C6: variants seen among roughly 807,000 people sequenced by gnomAD.
C6 encodes the protein complement C6.
Under a neutral mutation model 112.9 loss-of-function variants are expected in C6, and 101 were observed. That is an observed-to-expected ratio of 0.89 (90% CI 0.76 to 1.06). The LOEUF (loss-of-function observed/expected upper bound fraction) is 1.06, where lower values mean the gene tolerates loss of function less well. C6 is among the 50% of genes least tolerant of loss of function. The probability of loss-of-function intolerance (pLI) is 0.00; values close to 1 mark genes in which losing one functional copy is unlikely to be tolerated. For synonymous variants in C6, 431 were observed against 384.1 expected (o/e 1.12, Z -1.43); for missense variants, 1,202 against 1,104.6 (o/e 1.09, Z -1.25).
At chr5:41,248,376 G>A (rs951279596) in intron 1 of C6, among the ~76,000 whole-genome samples, 7 of 152,182 alleles carry the variant, frequency 4.6e-5, no homozygotes, top group Admixed American at 3.3e-4. Flanking sequence ...TATCAACAGA[G>A]TAACCAGATA....
chr5:41,241,638 G>C (rs1257614721), intron 1 of C6, among the ~76,000 whole-genome samples: 1 of 152,124 alleles, frequency 6.6e-6, no homozygotes, highest in East Asian at 1.9e-4. Flanking sequence ...CCTACTTGTG[G>C]TTTCCACAAG....
intron 1 of C6, among the ~76,000 whole-genome samples, chr5:41,221,568 G>A (rs754573749): frequency 2.0e-5 from 3 of 152,160 alleles, no homozygotes; most frequent in Non-Finnish European, 4.4e-5. Context: ...TAGATTGCTA[G>A]AAATGGCCTA....
intron 13 of C6, among the ~76,000 whole-genome samples, chr5:41,157,400 T>C (rs1747018927): frequency 6.6e-6 from 1 of 152,210 alleles, no homozygotes. Flanking sequence ...AGGATAATGT[T>C]CTAGGGCAGG....
intron 13 of C6, among the ~76,000 whole-genome samples, chr5:41,156,939 TG>T: frequency 6.6e-6 from 1 of 152,298 alleles, no homozygotes; most frequent in African/African-American, 2.4e-5. Flanking sequence ...CAAAAAACCT[TG>T]CCAAAAGTCC....
At chr5:41,186,636 G>A (rs1481434152) in intron 5 of C6, among the ~76,000 whole-genome samples, 1 of 151,896 alleles carries the variant, frequency 6.6e-6, no homozygotes, top group Non-Finnish European at 1.5e-5. Context: ...TATTTTAATG[G>A]AATTGTAATA....
chr5:41,185,415 C>T (rs554964746), intron 6 of C6, among the ~76,000 whole-genome samples: 5 of 152,246 alleles, frequency 3.3e-5, no homozygotes, highest in East Asian at 3.9e-4. Flanking sequence ...TATGCATGAA[C>T]GTCACCATTA....
chr5:41,203,075 A>G lies in C6; in HGVS notation c.143+13T>C. 1 of 1,613,746 alleles carries G rather than the reference A, an allele frequency of 6.2e-7. No individual in the cohort carries two copies. Among genetic ancestry groups the G allele is most frequent in the Non-Finnish European group, 8.5e-7 (1 of 1,179,864 alleles). On this transcript the variant is annotated intron_variant, in intron 2 of 17. Coordinates refer to ENST00000337836, the MANE Select transcript of C6 (RefSeq NM_000065.5). Reference sequence around the variant, plus strand: ...TCCAGGACACAAAGAAAAGCCACAAAGCTCACACCCACCTGTGTCTGCTCT... The same window carrying G: ...TCCAGGACACAAAGAAAAGCCACAAGGCTCACACCCACCTGTGTCTGCTCT...
Position 41,210,147 on chromosome 5 carries a change from G to T in C6, c.-21+3229C>A, listed in dbSNP as rs554561413. ...TTCTTTATTTAATAAATGGTGTTGG[G>T]AAAACTGGCTAGCCATATGTAGAAA... On this transcript the variant is annotated intron_variant, in intron 1 of 17. Coordinates refer to ENST00000337836, the MANE Select transcript of C6 (RefSeq NM_000065.5). 4.7e-3 allele frequency among the ~76,000 whole-genome samples: 721 copies of T among 152,286 alleles called. 10 individuals are homozygous for T. The highest frequency in any genetic ancestry group is 0.017 in the African/African-American group (693 of 41,546).
chr5:41,191,794 T>C (rs1251452332), intron 5 of C6, among the ~76,000 whole-genome samples: 3 of 113,860 alleles, frequency 2.6e-5, no homozygotes, highest in Non-Finnish European at 5.0e-5. Context: ...TTCTAGGGCC[T>C]TTTTTTTTTT....
intron 5 of C6, among the ~76,000 whole-genome samples, chr5:41,194,790 C>T (rs371773484): frequency 1.3e-5 from 2 of 152,142 alleles, no homozygotes; most frequent in East Asian, 1.9e-4. Context: ...TATTTCCTAA[C>T]ATCATCTAAA....
intron 4 of C6, among the ~76,000 whole-genome samples, chr5:41,198,241 G>A (rs962013358): frequency 6.6e-6 from 1 of 152,150 alleles, no homozygotes; most frequent in Non-Finnish European, 1.5e-5. Flanking sequence ...AGGAGAGATA[G>A]TTCTTTGTTA....
At chr5:41,175,576 T>C (rs1024432720) in intron 8 of C6, among the ~76,000 whole-genome samples, 5 of 152,188 alleles carry the variant, frequency 3.3e-5, no homozygotes, top group African/African-American at 1.2e-4. Context: ...TAATAGTTGA[T>C]TAAAGATTCA....
At chr5:41,215,076 A>C (rs956949746), upstream of C6, among the ~76,000 whole-genome samples, 1 of 152,190 alleles carries the variant, frequency 6.6e-6, no homozygotes, top group Non-Finnish European at 1.5e-5. Flanking sequence ...GTTAAATGAC[A>C]TATCTCACTC....
intron 1 of C6, among the ~76,000 whole-genome samples, chr5:41,225,444 C>T (rs1459819181): frequency 6.6e-6 from 1 of 152,182 alleles, no homozygotes; most frequent in Non-Finnish European, 1.5e-5. Flanking sequence ...ATATGTGCCA[C>T]ATTTTCTTAA....
At position 41,155,092 on chromosome 5, in the gene C6, G is replaced by A. The variant is rs766106284; in HGVS notation, c.1981C>T (p.Leu661=). ...TCAACATCTTCTCCAACCAAGTATA[G>A]TTGCTTTTCATTCTTAATTAAAGCA... is the stretch of plus-strand genomic sequence containing the variant. ...ENGFIRNEKQ[L]YLVGEDVEIS... is the part of the protein sequence containing the mutation. Residue 661 remains leucine (L), a synonymous_variant, in exon 14 of 18, where the codon CTA becomes TTA. Coordinates refer to ENST00000337836, the MANE Select transcript of C6 (RefSeq NM_000065.5). 6.2e-7 allele frequency: 1 copy of A among 1,613,392 alleles called. No individual in the cohort carries two copies. The highest frequency in any genetic ancestry group is 8.5e-7 in the Non-Finnish European group (1 of 1,179,522).
At chr5:41,238,662 T>G (rs1050549546) in intron 1 of C6, among the ~76,000 whole-genome samples, 2 of 152,170 alleles carry the variant, frequency 1.3e-5, no homozygotes, top group African/African-American at 4.8e-5. Context: ...TTGATAATTT[T>G]TATGGTGTAA....
intron 1 of C6, among the ~76,000 whole-genome samples, chr5:41,231,384 G>T (rs557781783): frequency 1.0e-3 from 156 of 152,156 alleles, no homozygotes; most frequent in African/African-American, 3.6e-3. Context: ...TTACCATGAA[G>T]CTCACAGAAT....
At chr5:41,184,656 G>T (rs1289503582) in intron 6 of C6, among the ~76,000 whole-genome samples, 1 of 151,958 alleles carries the variant, frequency 6.6e-6, no homozygotes, top group Non-Finnish European at 1.5e-5. Context: ...ATTTTTAGTA[G>T]AGACAGGGTT....
chr5:41,172,612 C>T, intron 8 of C6: 2 of 523,716 alleles, frequency 3.8e-6, no homozygotes, highest in South Asian at 4.1e-5. Flanking sequence ...ACATATGAGC[C>T]ATTTTGGCCC....
Sources: allele counts gnomAD v4.1 joint callset (sites outside exome capture counted in the v4.1 genomes callset), GRCh38; gene constraint gnomAD v4.1.1; transcripts MANE v1.5; gene names NCBI Gene and HGNC (gene_info 2026-07-23, HGNC 2026-07-21).